CAMTA1: variants seen among roughly 807,000 people sequenced by gnomAD.
CAMTA1 encodes calmodulin binding transcription activator 1, also known as calmodulin-binding transcription activator 1.
CAMTA1 carries 27 observed loss-of-function variants against 170.9 expected under a neutral mutation model. That is an observed-to-expected ratio of 0.16 (90% CI 0.12 to 0.22). The LOEUF (loss-of-function observed/expected upper bound fraction) is 0.22, where lower values mean the gene tolerates loss of function less well. Ranked by LOEUF, CAMTA1 falls within the 10% of genes least tolerant of loss-of-function variation. The pLI, the probability that CAMTA1 is intolerant of heterozygous loss-of-function variation, is 1.00. For synonymous variants in CAMTA1, 833 were observed against 891.5 expected, an observed-to-expected ratio of 0.93 and a Z score of 1.17; for missense variants, 1,619 against 2,217.2, an observed-to-expected ratio of 0.73 and a Z score of 5.42.
chr1:7,633,648 G>T lies in CAMTA1; in HGVS notation c.511-6752G>T, dbSNP rs745763409. 3.3e-5 allele frequency among the ~76,000 whole-genome samples: 5 copies of T among 152,208 alleles called. No homozygotes were observed. The highest frequency in any genetic ancestry group is 7.4e-5 in the Non-Finnish European group (5 of 68,022). On this transcript the variant is annotated intron_variant, in intron 6 of 22. Transcript: ENST00000303635. This position sits in a 1 kb window ranked among gnomAD's most constrained non-coding sequence, Gnocchi z 4.1. ...TGCCCCCTAGCAGGCTTGTTGGCCC[G>T]TGTGCTGGAGCAGCTTGGCGGCACC...
chr1:7,710,123 G>T (rs1002508525), intron 11 of CAMTA1, among the ~76,000 whole-genome samples: 2 of 152,194 alleles, frequency 1.3e-5, no homozygotes, highest in African/African-American at 4.8e-5. Context: ...TCAACAGATA[G>T]TCTCCAGCCA....
chr1:6,798,876 G>C (rs1204786512), intron 1 of CAMTA1, among the ~76,000 whole-genome samples: 2 of 151,800 alleles, frequency 1.3e-5, no homozygotes, highest in African/African-American at 2.4e-5. Context: ...GATTACAGAC[G>C]TTAGCCTCCA....
chr1:7,219,670 C>A (rs1215038640), intron 4 of CAMTA1: 2 of 146,692 alleles, frequency 1.4e-5, no homozygotes, highest in African/African-American at 5.0e-5. Context: ...GAGATGGGGT[C>A]TTTGGGAGGG....
intron 3 of CAMTA1, among the ~76,000 whole-genome samples, chr1:7,006,860 G>A (rs974403284): frequency 6.6e-6 from 1 of 152,116 alleles, no homozygotes; most frequent in Non-Finnish European, 1.5e-5. Flanking sequence ...AACCAGTGGA[G>A]ACCTTGTATG....
chr1:6,847,373 A>G lies in CAMTA1; in HGVS notation c.234+22163A>G, dbSNP rs557707337. Among the ~76,000 whole-genome samples the G allele has an allele frequency of 3.3e-5, 5 of 152,260 alleles. No individual in the cohort carries two copies. In the East Asian group the frequency reaches 7.7e-4, roughly 23 times the overall value. ...TGAAGGTACTACGTTTAGTCAAACTATTAATACTTCCTTTCCTGTGCAAAG... is the reference window on the plus strand; with the variant it reads ...TGAAGGTACTACGTTTAGTCAAACTGTTAATACTTCCTTTCCTGTGCAAAG... On this transcript the variant is annotated intron_variant, in intron 3 of 22. Coordinates refer to ENST00000303635, the MANE Select transcript of CAMTA1 (RefSeq NM_015215.4).
At position 7,334,560 on chromosome 1, in the gene CAMTA1, C is replaced by T. The variant is rs114834535; in HGVS notation, c.438+84934C>T. Among the ~76,000 whole-genome samples the T allele has an allele frequency of 8.1e-3, 1,230 of 152,326 alleles. 19 individuals are homozygous for T. Among genetic ancestry groups the T allele is most frequent in the African/African-American group, 0.028 (1,163 of 41,562 alleles). ...CATAAAACTGGGCCAAGGCAGCTTC[C>T]GGGGCTTTGCATGTGTGGAACTGCC... On this transcript the variant is annotated intron_variant, in intron 5 of 22. Transcript: ENST00000303635.
chr1:6,956,084 T>C (rs560406424), intron 3 of CAMTA1, among the ~76,000 whole-genome samples: 1 of 152,246 alleles, frequency 6.6e-6, no homozygotes, highest in South Asian at 2.1e-4. Context: ...TGCACACCGC[T>C]TGGGGCTCCC....
chr1:6,894,310 C>T (rs1675189468), intron 3 of CAMTA1, among the ~76,000 whole-genome samples: 1 of 152,114 alleles, frequency 6.6e-6, no homozygotes, highest in African/African-American at 2.4e-5. Flanking sequence ...TTCTGTGAAC[C>T]CAGTAAAAAT....
chr1:7,050,038 G>C lies in CAMTA1; in HGVS notation c.235-41266G>C, dbSNP rs913317217. ...ATCCCAGGGACATCTGGGCAAAGAC[G>C]TTCCCAGGAGGGGACTGCAAGCGCG... is the stretch of plus-strand genomic sequence containing the variant. On this transcript the variant is annotated intron_variant, in intron 3 of 22. Transcript: ENST00000303635. The surrounding 1 kb of genome is among the most constrained non-coding windows in gnomAD (Gnocchi z 4.8). Among the ~76,000 whole-genome samples, 1 of 152,226 alleles carries C rather than the reference G, an allele frequency of 6.6e-6. No individual in the cohort carries two copies. Among genetic ancestry groups the C allele is most frequent in the Admixed American group, 6.5e-5 (1 of 15,290 alleles).
intron 3 of CAMTA1, among the ~76,000 whole-genome samples, chr1:7,089,777 C>T (rs12028614): frequency 0.24 from 36,567 of 151,940 alleles, 4,513 homozygotes; most frequent in East Asian, 0.32. Flanking sequence ...GGGAAGGTGC[C>T]AGTGCCACCC....
intron 5 of CAMTA1, among the ~76,000 whole-genome samples, chr1:7,425,914 A>G (rs998698097): frequency 6.6e-6 from 1 of 152,194 alleles, no homozygotes; most frequent in Non-Finnish European, 1.5e-5. Context: ...CCACTGGGCC[A>G]GCCACTGAAG....
intron 3 of CAMTA1, among the ~76,000 whole-genome samples, chr1:6,899,552 G>GCACACACACACACA (rs916090781): frequency 9.5e-6 from 1 of 104,716 alleles, no homozygotes; most frequent in Non-Finnish European, 2.0e-5. Context: ...GCACGCGCGC[G>GCACACACACACACA]CGCACACACA....
In CAMTA1 at chr1:7,664,810, G is replaced by A. The variant is rs766692522; in HGVS notation, c.2263G>A (p.Ala755Thr). The A allele has an allele frequency of 5.7e-5, 92 of 1,613,142 alleles. No individual in the cohort carries two copies. Among genetic ancestry groups the A allele is most frequent in the Middle Eastern group, 1.6e-4 (1 of 6,084 alleles). Residue 755 changes from alanine to threonine, a missense_variant, in exon 9 of 23, where the codon GCC becomes ACC. Around this residue, in one of 8 missense-constraint regions of CAMTA1, gnomAD observed 731 missense variants for 907.6 expected, o/e 0.81. Coordinates refer to ENST00000303635, the MANE Select transcript of CAMTA1 (RefSeq NM_015215.4). ...CGTGGCCCAGCCCAGCCTCGGCAAC[G>A]CCTCCAACATGGAGCTCAGCCTGGA... ...YPVAQPSLGN[A>T]SNMELSLDHF...
At chr1:7,358,547 G>C (rs561616887) in intron 5 of CAMTA1, among the ~76,000 whole-genome samples, 1 of 143,212 alleles carries the variant, frequency 7.0e-6, no homozygotes, top group Non-Finnish European at 1.5e-5. Context: ...CATGCCCCGC[G>C]CCACCCCTGC....
chr1:7,098,099 T>TTG (rs61519330), intron 4 of CAMTA1, among the ~76,000 whole-genome samples: 20,163 of 150,530 alleles, frequency 0.13, 1,481 homozygotes, highest in East Asian at 0.26. Context: ...GGTGGACGAA[T>TTG]TGTGTGTGTG....
At chr1:7,207,517 T>C (rs1461262444) in intron 4 of CAMTA1, among the ~76,000 whole-genome samples, 1 of 152,216 alleles carries the variant, frequency 6.6e-6, no homozygotes, top group Non-Finnish European at 1.5e-5. Flanking sequence ...ACTCTATTTT[T>C]CCAACCGACA....
chr1:6,790,993 ATGAG>A (rs2148033599), intron 1 of CAMTA1, among the ~76,000 whole-genome samples: 1 of 152,160 alleles, frequency 6.6e-6, no homozygotes, highest in South Asian at 2.1e-4. Flanking sequence ...GTTTGGCAGT[ATGAG>A]TATGTGACTG....
intron 6 of CAMTA1, among the ~76,000 whole-genome samples, chr1:7,591,772 C>T (rs1453365049): frequency 6.6e-6 from 1 of 152,244 alleles, no homozygotes; most frequent in Non-Finnish European, 1.5e-5. Flanking sequence ...GCTCAGGCCA[C>T]GCTGGCTCCT....
chr1:7,664,747 C>T lies in CAMTA1; in HGVS notation c.2200C>T (p.Pro734Ser). 1.9e-6 allele frequency: 3 copies of T among 1,608,572 alleles called. No homozygotes were observed. Among genetic ancestry groups the T allele is most frequent in the Non-Finnish European group, 2.5e-6 (3 of 1,176,508 alleles). ...GGTAATCCGAAGCGCCGGCGGCGTC[C>T]CCATCCTCCCGGGCAACGTGGTGCA... ...NGVIRSAGGV[P>S]ILPGNVVQGL... Residue 734 changes from proline to serine, a missense_variant, in exon 9 of 23, where the codon CCC (proline) becomes TCC (serine). Coordinates refer to ENST00000303635, the MANE Select transcript of CAMTA1 (RefSeq NM_015215.4).
Sources: gnomAD v4.1 joint callset for allele counts (sites outside exome capture counted in the v4.1 genomes callset) on GRCh38, gnomAD v4.1.1 for gene constraint, gnomAD v4.1.1 regional missense constraint, Gnocchi (gnomAD v3.1) non-coding constraint, MANE v1.5 for transcripts, NCBI Gene and HGNC (gene_info 2026-07-23, HGNC 2026-07-21) for gene names.